CSNK2A2IP: variants seen among roughly 807,000 people sequenced by gnomAD.
The protein encoded by CSNK2A2IP is casein kinase II subunit alpha'-interacting protein.
At chr3:88,394,076 T>A in the CSNK2A2IP span, among the ~76,000 whole-genome samples, 1 of 152,152 alleles carries the variant, frequency 6.6e-6, no homozygotes. Context: ...AGATAAGTAG[T>A]TTACATTTAA....
the CSNK2A2IP span, among the ~76,000 whole-genome samples, chr3:88,357,518 TC>T: frequency 1.1e-4 from 16 of 152,184 alleles, no homozygotes; most frequent in African/African-American, 3.9e-4. Flanking sequence ...TAGTTTGATC[TC>T]CAACTTTGTT....
the CSNK2A2IP span, among the ~76,000 whole-genome samples, chr3:88,460,469 G>A: frequency 5.3e-5 from 8 of 152,014 alleles, no homozygotes; most frequent in African/African-American, 9.7e-5. Flanking sequence ...ACTCTCTCTC[G>A]TTAAGTTTTC....
the CSNK2A2IP span, among the ~76,000 whole-genome samples, chr3:88,364,257 T>A: frequency 3.3e-5 from 5 of 152,294 alleles, no homozygotes; most frequent in Non-Finnish European, 5.9e-5. Context: ...CTGAAAAACA[T>A]CATTTTATAT....
the CSNK2A2IP span, among the ~76,000 whole-genome samples, chr3:88,419,580 T>C: frequency 6.6e-6 from 1 of 152,184 alleles, no homozygotes; most frequent in Non-Finnish European, 1.5e-5. Context: ...CGTGCATGTT[T>C]CTTTACGGCA....
the CSNK2A2IP span, among the ~76,000 whole-genome samples, chr3:88,439,226 G>T: frequency 2.0e-5 from 3 of 152,006 alleles, no homozygotes; most frequent in Non-Finnish European, 4.4e-5. Context: ...TCTTTCATTT[G>T]AATAATGTGA....
At chr3:88,349,200 G>A in the CSNK2A2IP span, among the ~76,000 whole-genome samples, 3 of 151,890 alleles carry the variant, frequency 2.0e-5, no homozygotes, top group Non-Finnish European at 4.4e-5. Flanking sequence ...GAGTTCTTTA[G>A]TGGTGAGTGC....
the CSNK2A2IP span, among the ~76,000 whole-genome samples, chr3:88,438,899 T>A: frequency 6.6e-6 from 1 of 150,522 alleles, no homozygotes; most frequent in Admixed American, 6.6e-5. Context: ...TTTCTGCCCC[T>A]ACATCTCCAT....
At chr3:88,368,292 G>A in the CSNK2A2IP span, among the ~76,000 whole-genome samples, 12 of 151,678 alleles carry the variant, frequency 7.9e-5, 1 homozygote, top group East Asian at 1.6e-3. Flanking sequence ...CATTTTTGCT[G>A]GAAAAGATGG....
chr3:88,360,144 T>C, the CSNK2A2IP span, among the ~76,000 whole-genome samples: 1 of 151,796 alleles, frequency 6.6e-6, no homozygotes, highest in Non-Finnish European at 1.5e-5. Flanking sequence ...TTTGTCTTTT[T>C]TTTTTTTTTG....
chr3:88,459,758 A>T, the CSNK2A2IP span, among the ~76,000 whole-genome samples: 1 of 152,096 alleles, frequency 6.6e-6, no homozygotes, highest in African/African-American at 2.4e-5. Context: ...TGAGAAATGG[A>T]AGTTGGATGT....
At chr3:88,392,449 T>A in the CSNK2A2IP span, among the ~76,000 whole-genome samples, 1 of 152,046 alleles carries the variant, frequency 6.6e-6, no homozygotes, top group Non-Finnish European at 1.5e-5. Context: ...GAGAAATTCA[T>A]TGATGGAAAA....
the CSNK2A2IP span, among the ~76,000 whole-genome samples, chr3:88,353,108 C>A: frequency 3.9e-5 from 6 of 152,152 alleles, no homozygotes; most frequent in African/African-American, 1.4e-4. Context: ...CTTTGCGTAT[C>A]ATACTTCTTT....
At chr3:88,444,341 C>T in the CSNK2A2IP span, among the ~76,000 whole-genome samples, 21 of 152,136 alleles carry the variant, frequency 1.4e-4, no homozygotes, top group Non-Finnish European at 2.1e-4. Context: ...AAGATATTAA[C>T]AGGAGTTTAT....
chr3:88,344,782 A>C, the CSNK2A2IP span, among the ~76,000 whole-genome samples: 5 of 151,936 alleles, frequency 3.3e-5, no homozygotes, highest in Non-Finnish European at 7.4e-5. Context: ...TTATACAGTA[A>C]GTCTTAGGTA....
At chr3:88,401,566 AAATATG>A in the CSNK2A2IP span, among the ~76,000 whole-genome samples, 6 of 152,104 alleles carry the variant, frequency 3.9e-5, no homozygotes, top group African/African-American at 1.4e-4. Flanking sequence ...ACTACCATGG[AAATATG>A]AATGAGTAGA....
chr3:88,368,034 C>A, the CSNK2A2IP span, among the ~76,000 whole-genome samples: 25 of 151,910 alleles, frequency 1.6e-4, no homozygotes, highest in Admixed American at 2.6e-4. Context: ...AAAGTATGAG[C>A]TAAACAATGT....
chr3:88,434,878 G>A, the CSNK2A2IP span, among the ~76,000 whole-genome samples: 1 of 152,188 alleles, frequency 6.6e-6, no homozygotes, highest in Admixed American at 6.5e-5. Flanking sequence ...ATGGATTGCT[G>A]TATTGTCAAA....
At chr3:88,443,989 T>C in the CSNK2A2IP span, among the ~76,000 whole-genome samples, 1 of 152,108 alleles carries the variant, frequency 6.6e-6, no homozygotes, top group South Asian at 2.1e-4. Flanking sequence ...TTATTATCAA[T>C]ATAATTTTTA....
At chr3:88,438,246 G>A in the CSNK2A2IP span, among the ~76,000 whole-genome samples, 1 of 152,066 alleles carries the variant, frequency 6.6e-6, no homozygotes, top group Non-Finnish European at 1.5e-5. Context: ...ATTCCTATTT[G>A]TTGGGGCTCA....
Sources: gnomAD v4.1 joint callset for allele counts (sites outside exome capture counted in the v4.1 genomes callset) on GRCh38, gnomAD v4.1.1 for gene constraint, MANE v1.5 for transcripts, NCBI Gene and HGNC (gene_info 2026-07-23, HGNC 2026-07-21) for gene names.